Variants in ATP10B observed in about 807,000 individuals in gnomAD.
ATP10B encodes phospholipid-transporting ATPase VB.
A neutral mutation model predicts 141.2 loss-of-function variants in ATP10B; 122 were observed. The observed-to-expected ratio is 0.86, with a 90% CI of 0.75 to 1.00. The LOEUF (loss-of-function observed/expected upper bound fraction) is 1.00. ATP10B is among the 50% of genes least tolerant of loss of function. ATP10B has a pLI of 0.00. For missense variants in ATP10B, 1,876 were observed against 1,825.3 expected (o/e 1.03, Z -0.51); for synonymous variants, 685 against 692.0 (o/e 0.99, Z 0.16).
At chr5:160,611,445 A>C (rs922013947) in intron 18 of ATP10B, among the ~76,000 whole-genome samples, 6 of 152,166 alleles carry the variant, frequency 3.9e-5, no homozygotes, top group African/African-American at 1.4e-4. Context: ...GCATTCAAGC[A>C]AGCTGAAAAT....
At chr5:160,701,170 A>G (rs912539005) in intron 3 of ATP10B, among the ~76,000 whole-genome samples, 12 of 151,868 alleles carry the variant, frequency 7.9e-5, no homozygotes, top group African/African-American at 2.9e-4. Context: ...ACTTCGCCAA[A>G]CTCTAGATCG....
At chr5:160,883,014 A>G in the ATP10B span, among the ~76,000 whole-genome samples, 7 of 152,334 alleles carry the variant, frequency 4.6e-5, no homozygotes, top group African/African-American at 1.2e-4. Flanking sequence ...CCATAGAAAG[A>G]AAACTAAAAA....
intron 7 of ATP10B, among the ~76,000 whole-genome samples, chr5:160,659,508 A>C (rs552746531): frequency 2.6e-5 from 4 of 152,072 alleles, no homozygotes; most frequent in Middle Eastern, 3.4e-3. Context: ...CAAACAAACA[A>C]AATTTCATCT....
At chr5:160,876,696 A>G in the ATP10B span, among the ~76,000 whole-genome samples, 9 of 152,184 alleles carry the variant, frequency 5.9e-5, no homozygotes, top group Admixed American at 3.9e-4. Flanking sequence ...AAAATGATAA[A>G]GGGGATATCA....
Position 160,712,846 on chromosome 5 carries a change from T to A in ATP10B, c.-205+4063A>T, listed in dbSNP as rs1411555912. ...TCTCGTTGGTTTCAAAGAACATCTT[T>A]ATTTCTGCCTTCATTTCGTTATGTA... On this transcript the variant is annotated intron_variant, in intron 3 of 25. Transcript: ENST00000327245. Among the ~76,000 whole-genome samples the A allele has an allele frequency of 4.0e-4, 6 of 14,878 alleles. 2 individuals are homozygous for A. The highest frequency in any genetic ancestry group is 2.3e-3 in the Admixed American group (6 of 2,582). 9.8% of individuals were successfully genotyped at this position (14,878 alleles called of 152,430 possible).
chr5:160,926,598 C>T, the ATP10B span, among the ~76,000 whole-genome samples: 1 of 152,156 alleles, frequency 6.6e-6, no homozygotes, highest in East Asian at 1.9e-4. Flanking sequence ...GCTTAACACC[C>T]ATTACAATGA....
At chr5:160,782,325 A>T (rs764879917) in intron 2 of ATP10B, among the ~76,000 whole-genome samples, 33 of 152,036 alleles carry the variant, frequency 2.2e-4, no homozygotes, top group Non-Finnish European at 5.9e-5. Context: ...AACAAATCTA[A>T]CGGTTGTCTG....
intron 1 of ATP10B, among the ~76,000 whole-genome samples, chr5:160,823,781 C>G (rs1357498467): frequency 6.6e-6 from 1 of 152,040 alleles, no homozygotes; most frequent in Non-Finnish European, 1.5e-5. Context: ...TTGCAGTGAG[C>G]TGAGATCGCG....
intron 24 of ATP10B, among the ~76,000 whole-genome samples, chr5:160,575,764 A>G (rs1316168821): frequency 1.3e-5 from 2 of 152,210 alleles, no homozygotes; most frequent in Admixed American, 1.3e-4. Flanking sequence ...ACAGATAGTT[A>G]TTGTTCACAC....
chr5:160,715,216 C>T (rs924393469), intron 3 of ATP10B, among the ~76,000 whole-genome samples: 1 of 133,562 alleles, frequency 7.5e-6, no homozygotes. Flanking sequence ...CCCCCAGCCT[C>T]GTTGCTGCCT....
the ATP10B span, among the ~76,000 whole-genome samples, chr5:160,869,165 T>C: frequency 7.9e-4 from 120 of 152,330 alleles, 3 homozygotes; most frequent in Admixed American, 7.8e-3. Context: ...ATCTGACATA[T>C]GTGTGTACAC....
chr5:160,756,694 A>C (rs1561821543), intron 2 of ATP10B, among the ~76,000 whole-genome samples: 1 of 151,446 alleles, frequency 6.6e-6, no homozygotes, highest in Non-Finnish European at 1.5e-5. Flanking sequence ...CTCTTTTTAA[A>C]ATTTTTAATG....
rs149519411 is a variant in ATP10B, at chr5:160,657,767, G to A, written c.676-8511C>T. 1.8e-3 allele frequency among the ~76,000 whole-genome samples: 281 copies of A among 152,324 alleles called. 1 individual carries two copies. Among genetic ancestry groups the A allele is most frequent in the Admixed American group, 2.9e-3 (45 of 15,300 alleles). On this transcript the variant is annotated intron_variant, in intron 7 of 25. Coordinates refer to ENST00000327245, the MANE Select transcript of ATP10B (RefSeq NM_025153.3). ...CAATTGTCTGTGTAATTCCCTGTAAGGGCATGCAGTCGCACCCTGTATCTC... is the reference window on the plus strand; with the variant it reads ...CAATTGTCTGTGTAATTCCCTGTAAAGGCATGCAGTCGCACCCTGTATCTC...
At chr5:160,816,837 G>T (rs909306637) in intron 1 of ATP10B, among the ~76,000 whole-genome samples, 1 of 152,160 alleles carries the variant, frequency 6.6e-6, no homozygotes, top group Admixed American at 6.5e-5. Context: ...GGGATGCAAG[G>T]CTGGTTCAAC....
chr5:160,881,622 C>T, the ATP10B span, among the ~76,000 whole-genome samples: 4 of 152,008 alleles, frequency 2.6e-5, no homozygotes, highest in Non-Finnish European at 4.4e-5. Flanking sequence ...ACCATCCTGG[C>T]TAACACGGTG....
chr5:160,896,120 C>T, the ATP10B span, among the ~76,000 whole-genome samples: 2 of 151,904 alleles, frequency 1.3e-5, no homozygotes, highest in Non-Finnish European at 2.9e-5. Context: ...GACACCCTAA[C>T]ATCATAATGA....
chr5:160,819,782 C>G (rs575711584), intron 1 of ATP10B, among the ~76,000 whole-genome samples: 1 of 151,956 alleles, frequency 6.6e-6, no homozygotes, highest in Non-Finnish European at 1.5e-5. Flanking sequence ...GGTTATAAGA[C>G]AGTATTTGCA....
At chr5:160,911,901 G>A in the ATP10B span, among the ~76,000 whole-genome samples, 14 of 152,136 alleles carry the variant, frequency 9.2e-5, no homozygotes, top group African/African-American at 1.4e-4. Context: ...ATCTTAGACC[G>A]GTGTCTGGCA....
rs147010099 is a variant in ATP10B, at chr5:160,628,534, G to A, written c.1620+3595C>T. ...AAAGGCAGACCAAGATTAGTGAAAG[G>A]AGGCAGAGGTCCAATGACACCTCCT... On this transcript the variant is annotated intron_variant, in intron 13 of 25. Transcript: ENST00000327245. 3.6e-3 allele frequency among the ~76,000 whole-genome samples: 541 copies of A among 152,244 alleles called. 1 individual carries two copies. The highest frequency in any genetic ancestry group is 0.012 in the African/African-American group (517 of 41,524).
Sources: allele counts gnomAD v4.1 joint callset (sites outside exome capture counted in the v4.1 genomes callset), GRCh38; gene constraint gnomAD v4.1.1; transcripts MANE v1.5; gene names NCBI Gene and HGNC (gene_info 2026-07-23, HGNC 2026-07-21).